Variants in KIFBP observed in about 807,000 individuals in gnomAD.
KIFBP encodes kinesin family binding protein, also known as KIF-binding protein.
In KIFBP, 46 loss-of-function variants were observed where a neutral mutation model predicts 58.9. That is an observed-to-expected ratio of 0.78 (90% confidence interval 0.62 to 1.00). KIFBP has a LOEUF of 1.00. KIFBP is among the 50% of genes least tolerant of loss of function. The probability of loss-of-function intolerance (pLI) is 0.00; values close to 1 mark genes in which losing one functional copy is unlikely to be tolerated. For missense variants in KIFBP, 651 were observed against 752.9 expected (o/e 0.86, Z 1.58); for synonymous variants, 241 against 283.4 (o/e 0.85, Z 1.50).
chr10:68,993,929 T>G (rs1281923594), intron 1 of KIFBP, among the ~76,000 whole-genome samples: 4 of 152,256 alleles, frequency 2.6e-5, no homozygotes, highest in Non-Finnish European at 5.9e-5. Flanking sequence ...AACTATTCTA[T>G]TTGGTGCTTT....
In KIFBP at chr10:69,008,899, C is replaced by T. The variant is rs1843564017; in HGVS notation, c.848C>T (p.Thr283Ile). 1.2e-6 allele frequency: 2 copies of T among 1,613,418 alleles called. No individual in the cohort carries two copies. The highest frequency in any genetic ancestry group is 1.7e-6 in the Non-Finnish European group (2 of 1,179,514). Residue 283 changes from threonine (T) to isoleucine (I), a missense_variant, in exon 5 of 7, where the codon ACT (threonine) becomes ATT (isoleucine). Transcript: ENST00000361983. ...GCTGCTAATGTCATTTTTGGTCAAA[C>T]TGGAAAGATCTCAGCCACAGAAGAC... ...LSAANVIFGQ[T>I]GKISATEDTP...
At chr10:68,989,511 CGCTTGCT>C (rs532681695) in intron 1 of KIFBP, 189 of 579,624 alleles carry the variant, frequency 3.3e-4, no homozygotes, top group African/African-American at 2.3e-3. Context: ...ACACCAATAT[CGCTTGCT>C]GCTGCTTCAC....
chr10:69,016,205 G>T lies in KIFBP; in HGVS notation c.1655G>T (p.Arg552Leu), dbSNP rs368655395. 80 of 1,612,680 alleles carry T rather than the reference G, an allele frequency of 5.0e-5. No homozygotes were observed. Among genetic ancestry groups the T allele is most frequent in the Non-Finnish European group, 6.6e-5 (78 of 1,179,424 alleles). The change falls in exon 7 of 7, where the codon CGT becomes CTT. Residue 552 changes from arginine to leucine, a missense_variant. Transcript: ENST00000361983. ...ATGTTAGCTAAGTTTCGAGTTGCCC[G>T]TCTCTATGGCAAAATCATTACTGCA... is the stretch of plus-strand genomic sequence containing the variant. ...PAMLAKFRVARLYGKIITADP... is the reference protein window; with the variant it reads ...PAMLAKFRVALLYGKIITADP...
intron 1 of KIFBP, among the ~76,000 whole-genome samples, chr10:68,991,898 C>T (rs1843351013): frequency 6.6e-6 from 1 of 151,524 alleles, no homozygotes. Flanking sequence ...CTTGGGTAAA[C>T]CAAGTAAACT....
intron 1 of KIFBP, chr10:68,991,520 C>G: frequency 4.6e-6 from 2 of 437,950 alleles, no homozygotes; most frequent in South Asian, 1.8e-5. Flanking sequence ...GAGACATGCA[C>G]TGGTCCAGAA....
Position 69,016,162 on chromosome 10 carries a change from G to C in KIFBP, c.1612G>C (p.Asp538His). 1.2e-6 allele frequency: 2 copies of C among 1,614,158 alleles called. No homozygotes were observed. The highest frequency in any genetic ancestry group is 1.7e-6 in the Non-Finnish European group (2 of 1,180,028). ...AGTATTCCCTGAGCATATAGGGGAA[G>C]ATGTTCTTCGCCCTGCCATGTTAGC... ...NKVFPEHIGEDVLRPAMLAKF... is the reference protein window; with the variant it reads ...NKVFPEHIGEHVLRPAMLAKF... Residue 538 changes from aspartate to histidine, a missense_variant, in exon 7 of 7, where the codon GAT becomes CAT. Asp to His is a moderately conservative substitution (Grantham distance 81). Transcript: ENST00000361983.
At position 68,989,083 on chromosome 10, in the gene KIFBP, A is replaced by G. The variant is rs1843311436; in HGVS notation, c.251A>G (p.Glu84Gly). The G allele has an allele frequency of 1.2e-6, 2 of 1,611,034 alleles. No individual in the cohort carries two copies. Among genetic ancestry groups the G allele is most frequent in the Admixed American group, 3.3e-5 (2 of 59,754 alleles). ...LGLPAEVVEPEGPVAQRAVRL... is the reference protein window; with the variant it reads ...LGLPAEVVEPGGPVAQRAVRL... The stretch of plus-strand genomic sequence containing the variant: ...CTGCCGGCTGAGGTGGTGGAGCCCG[A>G]GGGGCCCGTCGCCCAGCGAGCGGTG... Residue 84 changes from glutamate (E) to glycine (G), a missense_variant, in exon 1 of 7, where the codon GAG becomes GGG. Glu to Gly is a moderately conservative substitution (Grantham distance 98). Coordinates refer to ENST00000361983, the MANE Select transcript of KIFBP (RefSeq NM_015634.4).
At chr10:69,009,794 ATAGTT>A (rs1843572581) in intron 5 of KIFBP, among the ~76,000 whole-genome samples, 1 of 152,168 alleles carries the variant, frequency 6.6e-6, no homozygotes, top group African/African-American at 2.4e-5. Context: ...TTCTTTAAAA[ATAGTT>A]TATTTTTAAA....
chr10:69,013,422 C>T (rs1299447568), intron 6 of KIFBP, among the ~76,000 whole-genome samples: 1 of 151,942 alleles, frequency 6.6e-6, no homozygotes, highest in African/African-American at 2.4e-5. Flanking sequence ...GAATTTGGAG[C>T]CAGGAAGAGC....
At position 69,005,782 on chromosome 10, in the gene KIFBP, A is replaced by G. The variant is rs370670715; in HGVS notation, c.656A>G (p.Gln219Arg). ...CTATATTACCTAGCTCAAGTCTACC[A>G]GCATCTGGAAATGTTTGAGAAGGCT... Reference protein sequence around the residue: ...HNLYYLAQVYQHLEMFEKAAH... With the variant: ...HNLYYLAQVYRHLEMFEKAAH... Residue 219 changes from glutamine to arginine, a missense_variant, in exon 4 of 7, where the codon CAG becomes CGG. Transcript: ENST00000361983. 14 of 1,613,852 alleles carry G rather than the reference A, an allele frequency of 8.7e-6. No individual in the cohort carries two copies. The highest frequency in any genetic ancestry group is 1.2e-5 in the Non-Finnish European group (14 of 1,179,814).
chr10:68,991,549 G>GC (rs1843346916), intron 1 of KIFBP: 1 of 434,262 alleles, frequency 2.3e-6, no homozygotes, highest in African/African-American at 2.0e-5. Context: ...CAAAGCTAAG[G>GC]CATTGGCAGC....
chr10:69,008,391 A>AAATATATATATATAT, intron 4 of KIFBP, among the ~76,000 whole-genome samples: 9 of 71,586 alleles, frequency 1.3e-4, no homozygotes, highest in African/African-American at 5.4e-4. Context: ...AAAAAAAAAA[A>AAATATATATATATAT]ATATATATAT....
At chr10:69,005,635 T>C (rs1235188301) in intron 3 of KIFBP, 97 bp from the exon 4 acceptor site, 1 of 926,616 alleles carries the variant, frequency 1.1e-6, no homozygotes, top group Non-Finnish European at 1.7e-6. Context: ...ATCGTGCCAC[T>C]GTACTCCAGC....
intron 1 of KIFBP, among the ~76,000 whole-genome samples, chr10:68,997,115 T>G (rs992857188): frequency 6.6e-6 from 1 of 152,202 alleles, no homozygotes; most frequent in Non-Finnish European, 1.5e-5. Context: ...GTCCTCAGTA[T>G]CCAGGACTAT....
intron 6 of KIFBP, among the ~76,000 whole-genome samples, chr10:69,014,414 G>A (rs372326405): frequency 5.9e-5 from 9 of 152,206 alleles, no homozygotes; most frequent in East Asian, 1.9e-4. Context: ...GTTCTGTGGC[G>A]TAAGGGAGGA....
At chr10:69,001,741 C>T (rs1182678921) in intron 2 of KIFBP, among the ~76,000 whole-genome samples, 1 of 146,974 alleles carries the variant, frequency 6.8e-6, no homozygotes. Context: ...GACAGTGAGA[C>T]CCTGTCTCAA....
At chr10:69,012,891 C>G (rs558419833) in intron 6 of KIFBP, among the ~76,000 whole-genome samples, 1 of 152,064 alleles carries the variant, frequency 6.6e-6, no homozygotes, top group Non-Finnish European at 1.5e-5. Context: ...AAAGAACTAC[C>G]TGAGACTGGG....
intron 6 of KIFBP, chr10:69,011,231 C>A: frequency 2.0e-6 from 1 of 511,482 alleles, no homozygotes; most frequent in Non-Finnish European, 3.5e-6. Flanking sequence ...TGGACCACTG[C>A]ACTCCAGCCT....
At chr10:68,989,410 T>C (rs1843316465) in intron 1 of KIFBP, 152 bp downstream of exon 1, 1 of 847,790 alleles carries the variant, frequency 1.2e-6, no homozygotes, top group Non-Finnish European at 1.8e-6. Flanking sequence ...GTCTGTGGTC[T>C]TCAAAAAAGC....
Sources: allele counts gnomAD v4.1 joint callset (sites outside exome capture counted in the v4.1 genomes callset), GRCh38; gene constraint gnomAD v4.1.1; transcripts MANE v1.5; gene names NCBI Gene and HGNC (gene_info 2026-07-23, HGNC 2026-07-21).